Variants in ZCCHC7 observed in about 807,000 individuals in gnomAD.
ZCCHC7 encodes the protein zinc finger CCHC-type containing 7, also known as zinc finger CCHC domain-containing protein 7.
ZCCHC7 carries 35 observed loss-of-function variants against 52.0 expected under a neutral mutation model. The ratio of observed to expected loss-of-function variants is 0.67; its 90% CI spans 0.51 to 0.89. The LOEUF is 0.89. ZCCHC7 is among the 40% of genes least tolerant of loss of function. The pLI, the probability that ZCCHC7 is intolerant of heterozygous loss-of-function variation, is 0.00. For missense variants in ZCCHC7, 574 were observed against 649.1 expected, an observed-to-expected ratio of 0.88 and a Z score of 1.26; for synonymous variants, 217 against 221.5, an observed-to-expected ratio of 0.98 and a Z score of 0.18.
intron 2 of ZCCHC7, among the ~76,000 whole-genome samples, chr9:37,261,894 T>C (rs1826882401): frequency 6.6e-6 from 1 of 152,160 alleles, no homozygotes; most frequent in Admixed American, 6.5e-5. Context: ...TTCTGAGTCT[T>C]GTGTTAATAG....
At chr9:37,167,106 TCA>T (rs1821463388) in intron 2 of ZCCHC7, among the ~76,000 whole-genome samples, 1 of 152,214 alleles carries the variant, frequency 6.6e-6, no homozygotes, top group South Asian at 2.1e-4. Context: ...TGAAGTTGTC[TCA>T]CATATCAGTG....
At chr9:37,205,904 G>A (rs537053390) in intron 2 of ZCCHC7, among the ~76,000 whole-genome samples, 11 of 148,592 alleles carry the variant, frequency 7.4e-5, no homozygotes, top group African/African-American at 2.2e-4. Context: ...TTTTCTTTCC[G>A]CTTAGTCAGT....
At chr9:37,253,773 A>G (rs1437775740) in intron 2 of ZCCHC7, among the ~76,000 whole-genome samples, 1 of 152,020 alleles carries the variant, frequency 6.6e-6, no homozygotes, top group African/African-American at 2.4e-5. Flanking sequence ...AACCGTTTTT[A>G]TGATTCACAA....
intron 2 of ZCCHC7, among the ~76,000 whole-genome samples, chr9:37,159,538 G>A (rs192578401): frequency 3.7e-4 from 56 of 152,276 alleles, no homozygotes; most frequent in African/African-American, 1.2e-3. Flanking sequence ...TTTTGATTTT[G>A]TTGGGGTGGA....
intron 2 of ZCCHC7, among the ~76,000 whole-genome samples, chr9:37,301,028 A>G (rs1305861250): frequency 6.6e-6 from 1 of 152,186 alleles, no homozygotes; most frequent in Non-Finnish European, 1.5e-5. Flanking sequence ...GATGTTATAA[A>G]ATACAGTGCT....
At chr9:37,169,654 G>A (rs982216775) in intron 2 of ZCCHC7, among the ~76,000 whole-genome samples, 9 of 152,088 alleles carry the variant, frequency 5.9e-5, no homozygotes, top group African/African-American at 2.2e-4. Flanking sequence ...ATAACATGGG[G>A]TTTTTGTTGT....
intron 1 of ZCCHC7, among the ~76,000 whole-genome samples, chr9:37,125,771 A>G (rs774458062): frequency 6.6e-6 from 1 of 152,222 alleles, no homozygotes; most frequent in Non-Finnish European, 1.5e-5. Context: ...GAAATCTTAC[A>G]TATCATGTGC....
At chr9:37,260,389 A>G (rs543043968) in intron 2 of ZCCHC7, among the ~76,000 whole-genome samples, 1 of 152,322 alleles carries the variant, frequency 6.6e-6, no homozygotes, top group East Asian at 1.9e-4. Flanking sequence ...CTTAGTGCAT[A>G]TGCTGACACT....
chr9:37,331,076 T>G (rs1315277853), intron 6 of ZCCHC7, among the ~76,000 whole-genome samples: 1 of 151,776 alleles, frequency 6.6e-6, no homozygotes, highest in Non-Finnish European at 1.5e-5. Flanking sequence ...TAAAATGTAT[T>G]TCAACCCTAC....
intron 2 of ZCCHC7, among the ~76,000 whole-genome samples, chr9:37,142,406 G>A (rs1171002808): frequency 2.0e-5 from 3 of 151,550 alleles, no homozygotes; most frequent in African/African-American, 2.4e-5. Context: ...GTTAATTACA[G>A]GTTTTTTCTT....
chr9:37,300,263 C>T (rs184224072), intron 2 of ZCCHC7, among the ~76,000 whole-genome samples: 1 of 152,118 alleles, frequency 6.6e-6, no homozygotes, highest in Non-Finnish European at 1.5e-5. Context: ...TTTTTAAGAA[C>T]AATTTTAAGT....
At chr9:37,224,912 A>T (rs1825016351) in intron 2 of ZCCHC7, among the ~76,000 whole-genome samples, 1 of 152,208 alleles carries the variant, frequency 6.6e-6, no homozygotes. Context: ...AGCTCATGCG[A>T]AACATTTACA....
chr9:37,282,388 G>C (rs149046150), intron 2 of ZCCHC7, among the ~76,000 whole-genome samples: 4 of 152,038 alleles, frequency 2.6e-5, no homozygotes, highest in Admixed American at 6.5e-5. Context: ...CGGATCACTA[G>C]GTCAAGGAGA....
intron 2 of ZCCHC7, among the ~76,000 whole-genome samples, chr9:37,163,832 CT>C (rs1821252504): frequency 1.3e-5 from 2 of 152,106 alleles, no homozygotes; most frequent in Non-Finnish European, 1.5e-5. Flanking sequence ...TAGGTTTTTG[CT>C]TCATTTTGAG....
chr9:37,173,115 C>T (rs1485228991), intron 2 of ZCCHC7, among the ~76,000 whole-genome samples: 8 of 127,788 alleles, frequency 6.3e-5, no homozygotes, highest in African/African-American at 1.8e-4. Context: ...AATAGGGACT[C>T]GAGTGAACAA....
At chr9:37,125,393 A>G (rs1564127580) in intron 1 of ZCCHC7, among the ~76,000 whole-genome samples, 2 of 152,226 alleles carry the variant, frequency 1.3e-5, no homozygotes, top group Middle Eastern at 3.4e-3. Flanking sequence ...TCTAACCTCA[A>G]CGTGATCCTC....
At chr9:37,266,768 G>T (rs916115208) in intron 2 of ZCCHC7, among the ~76,000 whole-genome samples, 1 of 152,052 alleles carries the variant, frequency 6.6e-6, no homozygotes, top group Non-Finnish European at 1.5e-5. Flanking sequence ...TAGCTACTTG[G>T]GGGGCTAAGG....
At chr9:37,136,165 C>T (rs1842988159) in intron 2 of ZCCHC7, among the ~76,000 whole-genome samples, 1 of 152,058 alleles carries the variant, frequency 6.6e-6, no homozygotes, top group African/African-American at 2.4e-5. Context: ...CATAGGTTCT[C>T]AATTAGTGGT....
chr9:37,123,190 GGTGTGTGTGTGTGTGTGTGTGTGTGTGT>G (rs58690804), intron 1 of ZCCHC7, among the ~76,000 whole-genome samples: 2 of 148,712 alleles, frequency 1.3e-5, no homozygotes, highest in African/African-American at 2.5e-5. Flanking sequence ...CTGAGTCAAG[GGTGTGTGTGTGTGTGTGTGTGTGTGTGT>G]GTGTGTGCGT....
Sources: gnomAD v4.1 joint callset for allele counts (sites outside exome capture counted in the v4.1 genomes callset) on GRCh38, gnomAD v4.1.1 for gene constraint, MANE v1.5 for transcripts, NCBI Gene and HGNC (gene_info 2026-07-23, HGNC 2026-07-21) for gene names.